Variants in TBRG1 observed in about 807,000 individuals in gnomAD.
The protein encoded by TBRG1 is nuclear interactor of ARF and MDM2.
In TBRG1, 31 loss-of-function variants were observed where a neutral mutation model predicts 44.0. The ratio of observed to expected loss-of-function variants is 0.70; its 90% confidence interval spans 0.53 to 0.95. The LOEUF (loss-of-function observed/expected upper bound fraction) is 0.95, where lower values mean the gene tolerates loss of function less well. TBRG1 is among the 40% of genes least tolerant of loss of function. TBRG1 has a pLI of 0.00. For missense variants in TBRG1, 487 were observed against 496.1 expected (o/e 0.98, Z 0.18); for synonymous variants, 171 against 188.1 (o/e 0.91, Z 0.74).
At chr11:124,629,376 T>G (rs1458223719) in intron 5 of TBRG1, among the ~76,000 whole-genome samples, 5 of 152,118 alleles carry the variant, frequency 3.3e-5, no homozygotes, top group African/African-American at 9.7e-5. Context: ...AGAAATTAAT[T>G]GCTCATGGTT....
chr11:124,629,581 C>CT (rs1395837924), intron 5 of TBRG1, among the ~76,000 whole-genome samples: 8 of 152,058 alleles, frequency 5.3e-5, no homozygotes, highest in Admixed American at 3.9e-4. Context: ...CAGAAGAAAA[C>CT]TAACAGTAGT....
chr11:124,630,342 C>T (rs1565401482), intron 5 of TBRG1, 46 bp from the exon 6 acceptor site: 1 of 1,249,802 alleles, frequency 8.0e-7, no homozygotes, highest in Admixed American at 1.7e-5. Context: ...GCCCCTCTCT[C>T]CTTCCTTCTT....
rs987149460 is a variant in TBRG1 at position 124,632,825 on chromosome 11, C to G, written c.*587C>G. 1 of 152,318 alleles carries G rather than the reference C, an allele frequency of 6.6e-6. No homozygotes were observed. Among genetic ancestry groups the G allele is most frequent in the Non-Finnish European group, 1.5e-5 (1 of 68,220 alleles). 9.4% of individuals were successfully genotyped at this position (152,318 alleles called of 1,614,324 possible). A position where few individuals can be genotyped will look rare whatever the true frequency, so the allele number is the denominator to read the frequency against. The stretch of plus-strand genomic sequence containing the variant: ...TCCCAAAGGCCCCACCTCCCAATAC[C>G]ATCACATTAGGGGTTAGGATTTAAC... On this transcript the variant is annotated 3_prime_UTR_variant, in exon 9 of 9. Coordinates refer to ENST00000441174, the MANE Select transcript of TBRG1 (RefSeq NM_032811.3).
At chr11:124,628,116 T>C (rs4936945) in intron 5 of TBRG1, among the ~76,000 whole-genome samples, 7,858 of 40,994 alleles carry the variant, frequency 0.19, 537 homozygotes, top group African/African-American at 0.22. Flanking sequence ...TATATATATA[T>C]ACACACACAC....
intron 1 of TBRG1, among the ~76,000 whole-genome samples, chr11:124,624,672 T>C (rs895882439): frequency 6.6e-6 from 1 of 152,260 alleles, no homozygotes; most frequent in African/African-American, 2.4e-5. Flanking sequence ...CGTATTGTTC[T>C]GGCATAAGCA....
rs759196079 is a variant in TBRG1 at position 124,626,977 on chromosome 11, A to G, written c.665A>G (p.Tyr222Cys). The change falls in exon 5 of 9, where the codon TAT becomes TGT. Residue 222 changes from tyrosine (Y) to cysteine (C), a missense_variant. Tyr to Cys is a radical substitution (Grantham distance 194). Transcript: ENST00000441174. Reference protein sequence around the residue: ...YPVGYCSTRIYASMKCPDQKC... With the variant: ...YPVGYCSTRICASMKCPDQKC... ...GTGGGCTATTGCAGTACTCGAATAT[A>G]TGCCAGCATGAAGTGCCCAGACCAG... 3.6e-5 allele frequency: 57 copies of G among 1,589,404 alleles called. No homozygotes were observed. The highest frequency in any genetic ancestry group is 4.4e-5 in the Non-Finnish European group (51 of 1,166,494).
intron 5 of TBRG1, among the ~76,000 whole-genome samples, chr11:124,628,049 A>G (rs1942509346): frequency 7.7e-6 from 1 of 129,964 alleles, no homozygotes; most frequent in Non-Finnish European, 1.6e-5. Flanking sequence ...GTTCCAACTA[A>G]CGTCAAGTAG....
rs1019629261 is a variant in TBRG1, at chr11:124,626,443, A to T, written c.455-30A>T. 2.7e-6 allele frequency: 4 copies of T among 1,505,036 alleles called. No individual in the cohort carries two copies. In the Admixed American group the frequency reaches 8.6e-5, roughly 32 times the overall value. 93.2% of individuals were successfully genotyped at this position (1,505,036 alleles called of 1,614,324 possible). A position where few individuals can be genotyped will look rare whatever the true frequency, so the allele number is the denominator to read the frequency against. Reference sequence around the variant, plus strand: ...TTCCCTTCAACATTGGAAGGGGCCTAAAGTGGGTGACCCCAGATTTGCGTT... The same window carrying T: ...TTCCCTTCAACATTGGAAGGGGCCTTAAGTGGGTGACCCCAGATTTGCGTT... On this transcript the variant is annotated intron_variant, in intron 3 of 8. Coordinates refer to ENST00000441174, the MANE Select transcript of TBRG1 (RefSeq NM_032811.3).
intron 1 of TBRG1, chr11:124,623,485 A>G (rs1942388317): frequency 1.8e-6 from 1 of 561,938 alleles, no homozygotes; most frequent in Non-Finnish European, 3.3e-6. Context: ...TGGTGCGTAA[A>G]AGACATACCA....
intron 5 of TBRG1, among the ~76,000 whole-genome samples, chr11:124,627,777 C>G (rs1565400209): frequency 6.6e-6 from 1 of 151,922 alleles, no homozygotes; most frequent in Non-Finnish European, 1.5e-5. Context: ...TACGTGACCT[C>G]AATTATGCAA....
In TBRG1 at chr11:124,635,213, G is replaced by A. The variant is rs914542841; in HGVS notation, c.*2975G>A. ...GGACGGGTAGATTGACTTTTTCTCA[G>A]GCATCAATCTGTTACAAGGTTCATG... On this transcript the variant is annotated 3_prime_UTR_variant, in exon 9 of 9. Coordinates refer to ENST00000441174, the MANE Select transcript of TBRG1 (RefSeq NM_032811.3). 3.3e-5 allele frequency: 5 copies of A among 152,152 alleles called. No homozygotes were observed. The highest frequency in any genetic ancestry group is 2.6e-4 in the Admixed American group (4 of 15,270). 9.4% of individuals were successfully genotyped at this position (152,152 alleles called of 1,614,324 possible).
chr11:124,628,422 C>T (rs889389805), intron 5 of TBRG1, among the ~76,000 whole-genome samples: 1 of 150,112 alleles, frequency 6.7e-6, no homozygotes, highest in East Asian at 2.0e-4. Flanking sequence ...GCAAAAGACA[C>T]CATGATCAGA....
intron 2 of TBRG1, 47 bp downstream of exon 2, chr11:124,625,048 A>C: frequency 7.7e-7 from 1 of 1,306,360 alleles, no homozygotes; most frequent in Non-Finnish European, 1.1e-6. Flanking sequence ...TTGGTGATTG[A>C]TTTGGTGATT....
At chr11:124,625,591 T>A in intron 2 of TBRG1, 80 bp from the exon 3 acceptor site, 1 of 1,318,820 alleles carries the variant, frequency 7.6e-7, no homozygotes, top group Non-Finnish European at 1.0e-6. Flanking sequence ...TAATTCTGGC[T>A]TTTCCCAGTA....
Position 124,627,194 on chromosome 11 carries a change from A to C in TBRG1, c.738+144A>C, listed in dbSNP as rs921455347. The C allele has an allele frequency of 4.7e-6, 3 of 632,506 alleles. No individual in the cohort carries two copies. In the African/African-American group the frequency reaches 5.5e-5, roughly 12 times the overall value. The allele number at this position is 632,506 out of a possible 1,614,324, so 39.2% of individuals were successfully genotyped here. On this transcript the variant is annotated intron_variant, in intron 5 of 8. Coordinates refer to ENST00000441174, the MANE Select transcript of TBRG1 (RefSeq NM_032811.3). ...AAGATGCAGAAAAGTGGCTGGCCCT[A>C]AGTCACACCTCTGCTAATAAGTGGT...
At chr11:124,628,104 TATATATATATATACACACAC>T (rs1192188357) in intron 5 of TBRG1, among the ~76,000 whole-genome samples, 6 of 52,090 alleles carry the variant, frequency 1.2e-4, no homozygotes, top group African/African-American at 6.3e-4. Context: ...TATATATATA[TATATATATATATACACACAC>T]ACACACACAC....
At chr11:124,626,249 A>T (rs557810357) in intron 3 of TBRG1, among the ~76,000 whole-genome samples, 6 of 152,312 alleles carry the variant, frequency 3.9e-5, no homozygotes, top group African/African-American at 1.4e-4. Flanking sequence ...GATCTTACAG[A>T]TGAAATAAGA....
chr11:124,632,106 C>G lies in TBRG1; in HGVS notation c.1104C>G (p.Leu368=), dbSNP rs771263588. Residue 368 remains leucine (L), a synonymous_variant, in exon 9 of 9, where the codon CTC becomes CTG. Coordinates refer to ENST00000441174, the MANE Select transcript of TBRG1 (RefSeq NM_032811.3). ...TGTTTTCTCCAGGATCCTTGGACCT[C>G]CCAGAGCTTCAGCCTGCAGCCTTTG... The part of the protein sequence containing the change: ...NDPLLPGSLD[L]PELQPAAFVS... 1.1e-5 allele frequency: 17 copies of G among 1,613,668 alleles called. No individual in the cohort carries two copies. Among genetic ancestry groups the G allele is most frequent in the Non-Finnish European group, 1.2e-5 (14 of 1,179,660 alleles).
chr11:124,625,856 C>T lies in TBRG1; in HGVS notation c.407C>T (p.Thr136Ile). The T allele has an allele frequency of 1.3e-6, 2 of 1,577,690 alleles. No homozygotes were observed. The highest frequency in any genetic ancestry group is 1.7e-6 in the Non-Finnish European group (2 of 1,164,034). ...GCTGAGGAACCATTTGGGAAGAAAACTAAGAAGGAGAAAAAAGAAAAAGGC... is the reference window on the plus strand; with the variant it reads ...GCTGAGGAACCATTTGGGAAGAAAATTAAGAAGGAGAAAAAAGAAAAAGGC... ...TGAEEPFGKK[T>I]KKEKKEKGKE... The change falls in exon 3 of 9, where the codon ACT becomes ATT. Residue 136 changes from threonine (T) to isoleucine (I), a missense_variant. Coordinates refer to ENST00000441174, the MANE Select transcript of TBRG1 (RefSeq NM_032811.3).
Sources: gnomAD v4.1 joint callset for allele counts (sites outside exome capture counted in the v4.1 genomes callset) on GRCh38, gnomAD v4.1.1 for gene constraint, MANE v1.5 for transcripts, NCBI Gene and HGNC (gene_info 2026-07-23, HGNC 2026-07-21) for gene names.